AGPAT3: variants seen among roughly 807,000 people sequenced by gnomAD.
The protein encoded by AGPAT3 is 1-acyl-sn-glycerol-3-phosphate acyltransferase gamma.
In AGPAT3, 5 loss-of-function variants were observed where a neutral mutation model predicts 47.3. That is an observed-to-expected ratio of 0.11 (90% CI 0.06 to 0.22). AGPAT3 has a LOEUF of 0.22. AGPAT3 is among the 10% of genes least tolerant of loss of function. The pLI is 1.00. For synonymous variants in AGPAT3, 212 were observed against 208.3 expected, an observed-to-expected ratio of 1.02 and a Z score of -0.15; for missense variants, 315 against 493.0, an observed-to-expected ratio of 0.64 and a Z score of 3.42.
chr21:43,908,596 TAGAA>T lies in AGPAT3; in HGVS notation c.-49+4578_-49+4581del. Among the ~76,000 whole-genome samples the T allele has an allele frequency of 6.6e-6, 1 of 152,118 alleles. No individual in the cohort carries two copies. The highest frequency in any genetic ancestry group is 1.5e-5 in the Non-Finnish European group (1 of 68,018). On this transcript the variant is annotated intron_variant, in intron 2 of 9. Transcript: ENST00000291572. The surrounding 1 kb of genome is among the most constrained non-coding windows in gnomAD (Gnocchi z 4.9). Reference sequence around the variant, plus strand: ...GGGAGTGGAGCCGTGGGTGCGGCACTAGAAGGATGAGAAAGGACCTATGGCCTCC... The same window carrying T: ...GGGAGTGGAGCCGTGGGTGCGGCACTGGATGAGAAAGGACCTATGGCCTCC...
chr21:43,903,335 G>T (rs1338152074), intron 1 of AGPAT3, among the ~76,000 whole-genome samples: 1 of 152,180 alleles, frequency 6.6e-6, no homozygotes, highest in Non-Finnish European at 1.5e-5. Context: ...CAGGGGTGAT[G>T]ATTGCACAGC....
intron 1 of AGPAT3, among the ~76,000 whole-genome samples, chr21:43,874,180 C>T (rs2085684787): frequency 6.6e-6 from 1 of 152,192 alleles, no homozygotes; most frequent in South Asian, 2.1e-4. Context: ...CGTGTGCCAC[C>T]ATGCCTGGCT....
intron 1 of AGPAT3, among the ~76,000 whole-genome samples, chr21:43,877,098 A>G (rs2085750628): frequency 6.6e-6 from 1 of 152,158 alleles, no homozygotes; most frequent in Admixed American, 6.5e-5. Flanking sequence ...AGCTCAGGGG[A>G]TCCGCTTGCC....
rs565275325 is a variant in AGPAT3, at chr21:43,869,675, A to G, written c.-112+4330A>G. ...CCTCAGACCCAGCCCTGAGTTAGGC[A>G]CAGCCAGCCCAGTGCCAAGTGGACC... On this transcript the variant is annotated intron_variant, in intron 1 of 9. Coordinates refer to ENST00000291572, the MANE Select transcript of AGPAT3 (RefSeq NM_020132.5). 3.6e-4 allele frequency among the ~76,000 whole-genome samples: 55 copies of G among 152,246 alleles called. 2 individuals carry two copies. Among genetic ancestry groups the G allele is most frequent in the African/African-American group, 1.3e-3 (55 of 41,564 alleles).
In AGPAT3 at chr21:43,959,336, TGGC is replaced by T. The variant is rs1471698201; in HGVS notation, c.-48-296_-48-294del. On this transcript the variant is annotated intron_variant, in intron 2 of 9. Coordinates refer to ENST00000291572, the MANE Select transcript of AGPAT3 (RefSeq NM_020132.5). ...TGGCGTGTGTGTGGTTGTGTGTGTG[TGGC>T]GTGTGTGTGGTATGTGTGTGGCATG... Among the ~76,000 whole-genome samples the T allele has an allele frequency of 3.7e-4, 49 of 131,254 alleles. No homozygotes were observed. In the South Asian group the frequency reaches 0.012, roughly 33 times the overall value. The allele number at this position is 131,254 out of a possible 152,430, so 86.1% of individuals were successfully genotyped here. A position where few individuals can be genotyped will look rare whatever the true frequency, so the allele number is the denominator to read the frequency against.
chr21:43,865,837 C>T lies in AGPAT3; in HGVS notation c.-112+492C>T, dbSNP rs556086462. Among the ~76,000 whole-genome samples, 410 of 151,986 alleles carry T rather than the reference C, an allele frequency of 2.7e-3. 2 individuals are homozygous for T. The highest frequency in any genetic ancestry group is 8.9e-3 in the African/African-American group (370 of 41,474). ...TTTCGGGGCGCGGCGGACCCGGGAC[C>T]CCCCCCAGGGGCCTCCTCCTCGCGC... On this transcript the variant is annotated intron_variant, in intron 1 of 9. Coordinates refer to ENST00000291572, the MANE Select transcript of AGPAT3 (RefSeq NM_020132.5).
At chr21:43,877,672 G>T (rs993286975) in intron 1 of AGPAT3, among the ~76,000 whole-genome samples, 2 of 152,166 alleles carry the variant, frequency 1.3e-5, no homozygotes, top group South Asian at 2.1e-4. Context: ...TTGAACTCCC[G>T]ACCTCGGGTG....
rs1463063094 is a variant in AGPAT3 at position 43,982,160 on chromosome 21, C to G, written c.1043-144C>G. On this transcript the variant is annotated intron_variant, in intron 9 of 9. Coordinates refer to ENST00000291572, the MANE Select transcript of AGPAT3 (RefSeq NM_020132.5). The surrounding 1 kb of genome is among the most constrained non-coding windows in gnomAD (Gnocchi z 6.2). ...GAGGGCTGTCTCCCCGCGGGCCACA[C>G]CTACTCACTGACAGCAGAGGCCACT... 14 of 657,032 alleles carry G rather than the reference C, an allele frequency of 2.1e-5. No individual in the cohort carries two copies. The highest frequency in any genetic ancestry group is 1.8e-4 in the African/African-American group (10 of 55,008). 40.7% of individuals were successfully genotyped at this position (657,032 alleles called of 1,614,324 possible).
chr21:43,928,145 C>CT (rs1295287949), intron 2 of AGPAT3, among the ~76,000 whole-genome samples: 1 of 152,200 alleles, frequency 6.6e-6, no homozygotes, highest in Non-Finnish European at 1.5e-5. Flanking sequence ...AGCTGTGATC[C>CT]TTGCTGGACG....
chr21:43,872,993 C>T (rs890348714), intron 1 of AGPAT3, among the ~76,000 whole-genome samples: 1 of 152,242 alleles, frequency 6.6e-6, no homozygotes, highest in Non-Finnish European at 1.5e-5. Flanking sequence ...CGGCCTCCCC[C>T]TGCCGGGACG....
chr21:43,967,795 A>G (rs867927001), intron 3 of AGPAT3, 151 bp from the exon 4 acceptor site: 10 of 725,444 alleles, frequency 1.4e-5, no homozygotes, highest in Admixed American at 3.0e-5. Flanking sequence ...TTGTAATTTC[A>G]TAAAACGTAC....
At chr21:43,918,143 G>T (rs1029571771) in intron 2 of AGPAT3, among the ~76,000 whole-genome samples, 9 of 147,384 alleles carry the variant, frequency 6.1e-5, no homozygotes, top group Non-Finnish European at 1.2e-4. Context: ...GTGGGTGTTG[G>T]AGTTGTGGGT....
chr21:43,907,618 G>A (rs1321329141), intron 2 of AGPAT3, among the ~76,000 whole-genome samples: 1 of 152,160 alleles, frequency 6.6e-6, no homozygotes, highest in Non-Finnish European at 1.5e-5. Context: ...TCGGGAGGCT[G>A]AGGCAGGAGA....
chr21:43,943,223 G>A (rs981335023), intron 2 of AGPAT3, among the ~76,000 whole-genome samples: 2 of 151,924 alleles, frequency 1.3e-5, no homozygotes, highest in African/African-American at 4.8e-5. Flanking sequence ...TACAGGTGCC[G>A]GCCACCACGC....
intron 2 of AGPAT3, among the ~76,000 whole-genome samples, chr21:43,929,944 A>G (rs894705253): frequency 2.6e-5 from 4 of 152,232 alleles, no homozygotes; most frequent in Admixed American, 2.0e-4. Flanking sequence ...AATGCAGCGG[A>G]CACTGGGCTG....
chr21:43,946,593 C>T (rs1357826637), intron 2 of AGPAT3, among the ~76,000 whole-genome samples: 1 of 148,478 alleles, frequency 6.7e-6, no homozygotes, highest in Non-Finnish European at 1.5e-5. Context: ...AAACAAGACT[C>T]CTTCTTAAAA....
At chr21:43,870,897 G>A (rs1253081599) in intron 1 of AGPAT3, among the ~76,000 whole-genome samples, 1 of 152,196 alleles carries the variant, frequency 6.6e-6, no homozygotes, top group Admixed American at 6.5e-5. Context: ...GAACATGAGT[G>A]AGAGACTGAG....
At chr21:43,969,863 A>G (rs547267600) in intron 5 of AGPAT3, among the ~76,000 whole-genome samples, 25 of 151,878 alleles carry the variant, frequency 1.6e-4, no homozygotes, top group Non-Finnish European at 3.5e-4. Context: ...ACACCTGGCT[A>G]ATTTTTTGTA....
chr21:43,957,446 C>T (rs111569647), intron 2 of AGPAT3, among the ~76,000 whole-genome samples: 8,704 of 152,164 alleles, frequency 0.057, 715 homozygotes, highest in African/African-American at 0.17. Context: ...TTGGCAGCAC[C>T]GCCAGCCTGA....
Sources: gnomAD v4.1 joint callset for allele counts (sites outside exome capture counted in the v4.1 genomes callset) on GRCh38, gnomAD v4.1.1 for gene constraint, Gnocchi (gnomAD v3.1) non-coding constraint, MANE v1.5 for transcripts, NCBI Gene and HGNC (gene_info 2026-07-23, HGNC 2026-07-21) for gene names.